ANXA4: variants seen among roughly 807,000 people sequenced by gnomAD.
ANXA4 encodes the protein annexin A4, also known as 35-beta calcimedin.
ANXA4 carries 39 observed loss-of-function variants against 49.8 expected under a neutral mutation model. That is an observed-to-expected ratio of 0.78 (90% CI 0.61 to 1.02). The LOEUF is 1.02. ANXA4 is among the 50% of genes least tolerant of loss of function. ANXA4 has a pLI of 0.00. For synonymous variants in ANXA4, 134 were observed against 152.5 expected, an observed-to-expected ratio of 0.88 and a Z score of 0.89; for missense variants, 360 against 410.1, an observed-to-expected ratio of 0.88 and a Z score of 1.05.
At chr2:69,770,467 A>T (rs1273391180) in intron 1 of ANXA4, among the ~76,000 whole-genome samples, 1 of 152,222 alleles carries the variant, frequency 6.6e-6, no homozygotes, top group African/African-American at 2.4e-5. Flanking sequence ...CTTCCAGCGA[A>T]GGGAAGGATT....
intron 12 of ANXA4, among the ~76,000 whole-genome samples, chr2:69,821,254 G>A (rs769180398): frequency 6.6e-6 from 1 of 152,144 alleles, no homozygotes; most frequent in Admixed American, 6.5e-5. Flanking sequence ...GGGCATGGTA[G>A]TGGTGAGAAA....
intron 1 of ANXA4, among the ~76,000 whole-genome samples, chr2:69,651,497 CTTGTTGTTG>C (rs560996241): frequency 3.3e-5 from 5 of 151,774 alleles, no homozygotes; most frequent in East Asian, 1.9e-4. Context: ...ATCCATTTGT[CTTGTTGTTG>C]TTGTTGTTGT....
At chr2:69,670,655 A>G (rs1328717568) in intron 2 of ANXA4, among the ~76,000 whole-genome samples, 1 of 152,126 alleles carries the variant, frequency 6.6e-6, no homozygotes, top group African/African-American at 2.4e-5. Flanking sequence ...TACATGGGGA[A>G]GAGTAAATAG....
chr2:69,744,253 G>A (rs1670523612), intron 1 of ANXA4, among the ~76,000 whole-genome samples: 1 of 152,088 alleles, frequency 6.6e-6, no homozygotes, highest in Non-Finnish European at 1.5e-5. Flanking sequence ...GCTGCAGTGA[G>A]TTATGATCAC....
rs149697204 is a variant in ANXA4, at chr2:69,777,471, A to C, written c.-46-4049A>C. Among the ~76,000 whole-genome samples the C allele has an allele frequency of 7.9e-5, 12 of 152,314 alleles. No individual in the cohort carries two copies. The East Asian group carries it at 2.3e-3, about 29-fold the overall frequency. On this transcript the variant is annotated intron_variant, in intron 1 of 12. Coordinates refer to ENST00000394295, the MANE Select transcript of ANXA4 (RefSeq NM_001153.5). The stretch of plus-strand genomic sequence containing the variant: ...GTGCGGTTAACCGGGCTTGTTATGA[A>C]TAACAAAAGATGCTCCTTTCACCCT...
intron 2 of ANXA4, among the ~76,000 whole-genome samples, chr2:69,671,680 G>A (rs780761525): frequency 2.4e-4 from 36 of 152,168 alleles, no homozygotes; most frequent in Middle Eastern, 3.4e-3. Context: ...CTGAGATTGC[G>A]CCACTGCACT....
intron 2 of ANXA4, among the ~76,000 whole-genome samples, chr2:69,784,861 C>G (rs756779009): frequency 6.6e-5 from 10 of 152,184 alleles, no homozygotes; most frequent in Non-Finnish European, 1.0e-4. Flanking sequence ...GTGCTCACCC[C>G]TTGTATGTCT....
chr2:69,759,059 A>G (rs1671169572), intron 1 of ANXA4, among the ~76,000 whole-genome samples: 2 of 151,504 alleles, frequency 1.3e-5, no homozygotes, highest in Non-Finnish European at 2.9e-5. Context: ...TCCCTTGAAC[A>G]CGGGAGGCGG....
At chr2:69,673,588 T>C (rs1187798140) in intron 2 of ANXA4, among the ~76,000 whole-genome samples, 1 of 151,672 alleles carries the variant, frequency 6.6e-6, no homozygotes, top group Non-Finnish European at 1.5e-5. Flanking sequence ...CAAACCACCA[T>C]GGCATGTGTA....
intron 11 of ANXA4, 113 bp from the exon 12 acceptor site, chr2:69,820,586 G>A (rs1674191088): frequency 7.7e-7 from 1 of 1,294,212 alleles, no homozygotes; most frequent in Admixed American, 2.0e-5. Context: ...CCAAGTAGTG[G>A]AGCAAAGGAC....
intron 2 of ANXA4, among the ~76,000 whole-genome samples, chr2:69,663,144 C>G (rs1350812862): frequency 1.3e-5 from 2 of 149,856 alleles, no homozygotes; most frequent in East Asian, 2.1e-4. Context: ...AGGCGCCCAC[C>G]ACCACGCCCA....
intron 2 of ANXA4, among the ~76,000 whole-genome samples, chr2:69,718,833 T>C (rs1042709025): frequency 4.0e-5 from 6 of 150,842 alleles, no homozygotes; most frequent in Admixed American, 3.3e-4. Flanking sequence ...TGCACACACA[T>C]ATACATGCAC....
At chr2:69,693,279 A>T (rs939871963) in intron 2 of ANXA4, among the ~76,000 whole-genome samples, 1 of 152,100 alleles carries the variant, frequency 6.6e-6, no homozygotes, top group Non-Finnish European at 1.5e-5. Context: ...TGAGGACTTC[A>T]AAGGGAAACT....
At chr2:69,671,389 A>C (rs1446174640) in intron 2 of ANXA4, among the ~76,000 whole-genome samples, 1 of 152,232 alleles carries the variant, frequency 6.6e-6, no homozygotes, top group Middle Eastern at 3.2e-3. Context: ...GAGAAAAAGC[A>C]ATGCAAAAAA....
chr2:69,740,098 G>A (rs1254914369), upstream of ANXA4, among the ~76,000 whole-genome samples: 1 of 152,198 alleles, frequency 6.6e-6, no homozygotes, highest in African/African-American at 2.4e-5. Flanking sequence ...AAGGGGCAGT[G>A]ACCTGGGGCT....
intron 2 of ANXA4, among the ~76,000 whole-genome samples, chr2:69,664,872 G>T (rs1008293286): frequency 6.6e-6 from 1 of 152,278 alleles, no homozygotes; most frequent in African/African-American, 2.4e-5. Context: ...GGAGGCTGAG[G>T]CAGGCAGATC....
chr2:69,777,547 AG>A (rs1310943940), intron 1 of ANXA4, among the ~76,000 whole-genome samples: 2 of 152,230 alleles, frequency 1.3e-5, no homozygotes, highest in African/African-American at 4.8e-5. Flanking sequence ...GTTATGTACC[AG>A]GAACAGGAGG....
Position 69,762,905 on chromosome 2 carries a change from T to C in ANXA4, c.-46-18615T>C, listed in dbSNP as rs563520953. On this transcript the variant is annotated intron_variant, in intron 1 of 12. Coordinates refer to ENST00000394295, the MANE Select transcript of ANXA4 (RefSeq NM_001153.5). ...CTCATACTCACTCACACTCACATAC[T>C]CTTCATCCAGCTCCATCTGCCGTAA... Among the ~76,000 whole-genome samples the C allele has an allele frequency of 9.2e-5, 14 of 152,086 alleles. No homozygotes were observed. The South Asian group carries it at 1.9e-3, about 20-fold the overall frequency.
chr2:69,774,045 ACTC>A (rs765642009), intron 1 of ANXA4, among the ~76,000 whole-genome samples: 25 of 151,074 alleles, frequency 1.7e-4, no homozygotes, highest in Non-Finnish European at 3.0e-4. Context: ...CTGGTCTCGA[ACTC>A]CTGACCTCAG....
Sources: gnomAD v4.1 joint callset for allele counts (sites outside exome capture counted in the v4.1 genomes callset) on GRCh38, gnomAD v4.1.1 for gene constraint, MANE v1.5 for transcripts, NCBI Gene and HGNC (gene_info 2026-07-23, HGNC 2026-07-21) for gene names.